Variants in CNTNAP5 observed in about 807,000 individuals in gnomAD.
The protein encoded by CNTNAP5 is contactin associated protein family member 5.
A neutral mutation model predicts 150.2 loss-of-function variants in CNTNAP5; 72 were observed. The ratio of observed to expected loss-of-function variants is 0.48; its 90% CI spans 0.40 to 0.58. The LOEUF is 0.58. Ranked by LOEUF, CNTNAP5 falls within the 20% of genes least tolerant of loss-of-function variation. CNTNAP5 has a pLI of 0.00. For synonymous variants in CNTNAP5, 672 were observed against 619.8 expected, an observed-to-expected ratio of 1.08 and a Z score of -1.25; for missense variants, 1,636 against 1,626.2, an observed-to-expected ratio of 1.01 and a Z score of -0.10.
At chr2:124,163,722 T>C (rs1684742913) in intron 1 of CNTNAP5, among the ~76,000 whole-genome samples, 1 of 152,112 alleles carries the variant, frequency 6.6e-6, no homozygotes, top group Non-Finnish European at 1.5e-5. Flanking sequence ...CCTCCCCCAT[T>C]CTCACCTTAA....
intron 1 of CNTNAP5, among the ~76,000 whole-genome samples, chr2:124,044,800 C>A (rs1471808301): frequency 6.6e-6 from 1 of 151,686 alleles, no homozygotes; most frequent in Non-Finnish European, 1.5e-5. Context: ...GACACATATC[C>A]TTCAGGTTGA....
chr2:124,566,011 A>C (rs994675632), intron 11 of CNTNAP5, among the ~76,000 whole-genome samples: 6 of 148,488 alleles, frequency 4.0e-5, no homozygotes, highest in African/African-American at 9.8e-5. Flanking sequence ...GGGTCCATCT[A>C]AGGCTAAAAT....
At chr2:124,479,069 A>G (rs1307539830) in intron 7 of CNTNAP5, among the ~76,000 whole-genome samples, 1 of 152,168 alleles carries the variant, frequency 6.6e-6, no homozygotes, top group Non-Finnish European at 1.5e-5. Flanking sequence ...ACAATTCTCC[A>G]CATCCCGAAA....
intron 7 of CNTNAP5, among the ~76,000 whole-genome samples, chr2:124,481,956 C>T (rs1257046144): frequency 2.0e-5 from 3 of 152,148 alleles, no homozygotes; most frequent in Non-Finnish European, 2.9e-5. Context: ...CATTCCACGC[C>T]CACTGGCCGT....
intron 1 of CNTNAP5, among the ~76,000 whole-genome samples, chr2:124,201,092 T>C (rs539717494): frequency 2.6e-5 from 4 of 152,298 alleles, no homozygotes; most frequent in South Asian, 4.1e-4. Flanking sequence ...GAGCAGGGCT[T>C]GTAAATAAGA....
intron 6 of CNTNAP5, among the ~76,000 whole-genome samples, chr2:124,473,151 A>G (rs771965865): frequency 6.6e-6 from 1 of 152,172 alleles, no homozygotes; most frequent in Admixed American, 6.6e-5. Context: ...TGAAATTCAT[A>G]GAAATTAATT....
chr2:124,703,269 G>C (rs199872725), intron 13 of CNTNAP5, among the ~76,000 whole-genome samples: 27 of 87,648 alleles, frequency 3.1e-4, no homozygotes, highest in Admixed American at 2.7e-3. Context: ...CTGCCTTCCT[G>C]TCTGCCTTCC....
At chr2:124,847,068 C>T (rs974656639) in intron 19 of CNTNAP5, among the ~76,000 whole-genome samples, 18 of 152,180 alleles carry the variant, frequency 1.2e-4, no homozygotes, top group African/African-American at 4.1e-4. Flanking sequence ...CAGGAGAGGG[C>T]ACTTTTAAGA....
intron 13 of CNTNAP5, among the ~76,000 whole-genome samples, chr2:124,727,216 C>G (rs1379274211): frequency 2.0e-5 from 3 of 151,926 alleles, no homozygotes; most frequent in Non-Finnish European, 4.4e-5. Flanking sequence ...ATGATAGTAC[C>G]ATATTATTAT....
At chr2:124,459,920 ACTGT>A (rs984257258) in intron 6 of CNTNAP5, among the ~76,000 whole-genome samples, 5 of 152,190 alleles carry the variant, frequency 3.3e-5, no homozygotes, top group Non-Finnish European at 5.9e-5. Flanking sequence ...CAAATACAAA[ACTGT>A]CTGAATCGAA....
At chr2:124,773,112 G>T in intron 17 of CNTNAP5, 95 bp downstream of exon 17, 1 of 891,240 alleles carries the variant, frequency 1.1e-6, no homozygotes, top group Non-Finnish European at 1.8e-6. Context: ...TGAGATCTGG[G>T]ATATGATCAA....
chr2:124,321,430 C>T (rs143644472), intron 3 of CNTNAP5, among the ~76,000 whole-genome samples: 2,037 of 137,388 alleles, frequency 0.015, 40 homozygotes, highest in African/African-American at 0.047. Context: ...GCAACAAGAG[C>T]GAAACTCTAT....
intron 10 of CNTNAP5, among the ~76,000 whole-genome samples, chr2:124,537,037 TGAGA>T (rs1039786979): frequency 6.6e-6 from 1 of 150,540 alleles, no homozygotes; most frequent in Non-Finnish European, 1.5e-5. Flanking sequence ...TGTGTGTGTG[TGAGA>T]GAGAGAGAGA....
At chr2:124,647,650 G>T (rs949563002) in intron 12 of CNTNAP5, 108 bp from the exon 13 acceptor site, 4 of 965,728 alleles carry the variant, frequency 4.1e-6, no homozygotes, top group Non-Finnish European at 6.1e-6. Context: ...ATACGGTACC[G>T]GAGTGTTGAT....
intron 3 of CNTNAP5, among the ~76,000 whole-genome samples, chr2:124,413,517 G>T (rs1410281297): frequency 7.4e-6 from 1 of 135,388 alleles, no homozygotes; most frequent in Non-Finnish European, 1.6e-5. Flanking sequence ...TTAAGAAAAT[G>T]TGGCACATAT....
At chr2:124,311,912 A>G (rs1377647382) in intron 3 of CNTNAP5, among the ~76,000 whole-genome samples, 1 of 152,208 alleles carries the variant, frequency 6.6e-6, no homozygotes, top group Non-Finnish European at 1.5e-5. Context: ...ATGATCATAC[A>G]AACTGGCTCA....
At chr2:124,353,286 C>CAAAA (rs565907115) in intron 3 of CNTNAP5, among the ~76,000 whole-genome samples, 1 of 88,264 alleles carries the variant, frequency 1.1e-5, no homozygotes. Context: ...AAAAACAGAC[C>CAAAA]AAAAAAAAAA....
intron 11 of CNTNAP5, among the ~76,000 whole-genome samples, chr2:124,575,467 C>T (rs1696261932): frequency 6.6e-6 from 1 of 152,106 alleles, no homozygotes; most frequent in East Asian, 1.9e-4. Context: ...CAGTCATGGC[C>T]CTGTATGTGT....
chr2:124,663,168 C>T (rs1195003882), intron 13 of CNTNAP5, among the ~76,000 whole-genome samples: 1 of 152,160 alleles, frequency 6.6e-6, no homozygotes, highest in Admixed American at 6.5e-5. Flanking sequence ...GGATTACACA[C>T]CAATCTAGTA....
Sources: gnomAD v4.1 joint callset for allele counts (sites outside exome capture counted in the v4.1 genomes callset) on GRCh38, gnomAD v4.1.1 for gene constraint, MANE v1.5 for transcripts, NCBI Gene and HGNC (gene_info 2026-07-23, HGNC 2026-07-21) for gene names.